Variants in ARHGAP21 observed in about 807,000 individuals in gnomAD.
The protein encoded by ARHGAP21 is rho GTPase-activating protein 21.
In ARHGAP21, 38 loss-of-function variants were observed where a neutral mutation model predicts 164.6. The ratio of observed to expected loss-of-function variants is 0.23; its 90% CI spans 0.18 to 0.30. The LOEUF (loss-of-function observed/expected upper bound fraction) is 0.30, where lower values mean the gene tolerates loss of function less well. Among genes scored for constraint, ARHGAP21 ranks in the 10% least tolerant of loss-of-function variants. The pLI, the probability that ARHGAP21 is intolerant of heterozygous loss-of-function variation, is 1.00. For synonymous variants in ARHGAP21, 766 were observed against 857.9 expected (o/e 0.89, Z 1.87); for missense variants, 1,822 against 2,370.7 (o/e 0.77, Z 4.81).
At chr10:24,656,072 A>G (rs1279069303) in intron 4 of ARHGAP21, among the ~76,000 whole-genome samples, 1,050 of 95,632 alleles carry the variant, frequency 0.011, 3 homozygotes, top group East Asian at 0.034. Flanking sequence ...TGCCCCGTCT[A>G]AGAAGTGAGG....
At chr10:24,606,644 G>A (rs1005676962) in intron 11 of ARHGAP21, among the ~76,000 whole-genome samples, 3 of 152,106 alleles carry the variant, frequency 2.0e-5, no homozygotes, top group African/African-American at 7.2e-5. Context: ...CTGAGATCAG[G>A]AGTTTGAGAC....
At chr10:24,674,659 C>A (rs890658382) in intron 2 of ARHGAP21, among the ~76,000 whole-genome samples, 2 of 152,068 alleles carry the variant, frequency 1.3e-5, no homozygotes, top group Non-Finnish European at 2.9e-5. Context: ...GCACTCCAGC[C>A]TGGGTTACAG....
intron 25 of ARHGAP21, among the ~76,000 whole-genome samples, chr10:24,588,907 A>T (rs560784489): frequency 6.6e-6 from 1 of 152,240 alleles, no homozygotes; most frequent in African/African-American, 2.4e-5. Flanking sequence ...GGTGGCGTAC[A>T]GAGCAAACGG....
At chr10:24,607,950 TTAA>T (rs748678808) in intron 9 of ARHGAP21, 47 bp from the exon 10 acceptor site, 13 of 1,522,152 alleles carry the variant, frequency 8.5e-6, no homozygotes, top group Admixed American at 4.1e-5. Flanking sequence ...CTAATTGTTA[TTAA>T]TAATAAAACT....
chr10:24,589,580 T>A (rs927864312), intron 24 of ARHGAP21: 13 of 362,708 alleles, frequency 3.6e-5, no homozygotes, highest in African/African-American at 2.8e-4. Context: ...CTCGTGTTTA[T>A]TAGACTTTCT....
chr10:24,607,358 C>A, intron 11 of ARHGAP21, 141 bp downstream of exon 11: 1 of 673,226 alleles, frequency 1.5e-6, no homozygotes, highest in South Asian at 2.4e-5. Context: ...TTAATGTTAC[C>A]ATTAACAACT....
At chr10:24,672,194 C>T (rs1302547833) in intron 2 of ARHGAP21, among the ~76,000 whole-genome samples, 1 of 152,108 alleles carries the variant, frequency 6.6e-6, no homozygotes, top group Non-Finnish European at 1.5e-5. Flanking sequence ...TGCCTGACTC[C>T]CAGAAACTGC....
At chr10:24,604,256 A>T (rs1368364904) in intron 12 of ARHGAP21, 56 bp downstream of exon 12, 3 of 1,207,458 alleles carry the variant, frequency 2.5e-6, no homozygotes, top group East Asian at 2.5e-5. Flanking sequence ...TGGGTAAAAG[A>T]AGTACTTCTC....
chr10:24,639,128 C>G (rs965910459), intron 4 of ARHGAP21, among the ~76,000 whole-genome samples: 13 of 152,110 alleles, frequency 8.5e-5, no homozygotes, highest in Admixed American at 7.2e-4. Context: ...ACCTTGGGCC[C>G]TATAACCATA....
In ARHGAP21 at chr10:24,627,737, G is replaced by A. The variant is rs1400280183; in HGVS notation, c.495+2259C>T. Among the ~76,000 whole-genome samples, 5 of 152,114 alleles carry A rather than the reference G, an allele frequency of 3.3e-5. No homozygotes were observed. The East Asian group carries it at 5.8e-4, about 18-fold the overall frequency. ...TATTCTAGAATATGAATGAGTAACA[G>A]AACAAAACTAATTTTTCTTTAAGTG... On this transcript the variant is annotated intron_variant, in intron 7 of 25. Transcript: ENST00000396432.
intron 9 of ARHGAP21, among the ~76,000 whole-genome samples, chr10:24,611,612 G>A (rs2077265703): frequency 6.6e-6 from 1 of 152,036 alleles, no homozygotes; most frequent in Non-Finnish European, 1.5e-5. Flanking sequence ...GTTGAGGCAG[G>A]AGAATCGCTT....
At chr10:24,722,318 A>G (rs1017960108) in intron 1 of ARHGAP21, 39 bp from the exon 2 acceptor site, 2 of 180,354 alleles carry the variant, frequency 1.1e-5, no homozygotes, top group African/African-American at 4.6e-5. Flanking sequence ...AACTTTCTCC[A>G]GGCGCCTATC....
At chr10:24,654,242 C>T (rs565241495) in intron 4 of ARHGAP21, among the ~76,000 whole-genome samples, 1 of 152,326 alleles carries the variant, frequency 6.6e-6, no homozygotes, top group South Asian at 2.1e-4. Flanking sequence ...TCTCTCACCA[C>T]TCCTATTCAA....
intron 16 of ARHGAP21, 48 bp downstream of exon 16, chr10:24,597,399 C>T (rs766677213): frequency 1.8e-5 from 28 of 1,588,362 alleles, no homozygotes; most frequent in Non-Finnish European, 2.3e-5. Context: ...CTCAACGATG[C>T]CAATTTTAAA....
chr10:24,596,585 T>C, intron 17 of ARHGAP21, 155 bp downstream of exon 17: 2 of 968,198 alleles, frequency 2.1e-6, no homozygotes, highest in East Asian at 2.8e-5. Flanking sequence ...AAAAAAAGCA[T>C]TACAGGTCAG....
At chr10:24,593,320 T>TC (rs1169112106) in intron 21 of ARHGAP21, among the ~76,000 whole-genome samples, 1 of 152,158 alleles carries the variant, frequency 6.6e-6, no homozygotes, top group Non-Finnish European at 1.5e-5. Flanking sequence ...GTTTCTGGTC[T>TC]CCCTCTAGAA....
intron 7 of ARHGAP21, among the ~76,000 whole-genome samples, chr10:24,624,704 A>T (rs766761515): frequency 1.1e-4 from 16 of 152,028 alleles, no homozygotes; most frequent in Non-Finnish European, 1.5e-4. Context: ...TTTTGAAACC[A>T]ATGTCATAAG....
intron 2 of ARHGAP21, among the ~76,000 whole-genome samples, chr10:24,708,860 T>C (rs1277963299): frequency 6.6e-6 from 1 of 152,232 alleles, no homozygotes; most frequent in Non-Finnish European, 1.5e-5. Flanking sequence ...CTTAGGTTGA[T>C]TCCATATCTT....
chr10:24,616,607 G>A (rs536894149), intron 9 of ARHGAP21, among the ~76,000 whole-genome samples: 1 of 152,326 alleles, frequency 6.6e-6, no homozygotes, highest in East Asian at 1.9e-4. Flanking sequence ...GATGGAGGAG[G>A]AGTCTTAAGA....
Sources: allele counts gnomAD v4.1 joint callset (sites outside exome capture counted in the v4.1 genomes callset), GRCh38; gene constraint gnomAD v4.1.1; transcripts MANE v1.5; gene names NCBI Gene and HGNC (gene_info 2026-07-23, HGNC 2026-07-21).